The following PPARGC1A variants were observed in gnomAD, a reference collection of about 807,000 sequenced individuals.
The protein encoded by PPARGC1A is peroxisome proliferator-activated receptor gamma coactivator 1-alpha.
Under a neutral mutation model 88.7 loss-of-function variants are expected in PPARGC1A, and 25 were observed. The observed-to-expected ratio is 0.28, with a 90% CI of 0.21 to 0.39. PPARGC1A has a LOEUF of 0.39. PPARGC1A is among the 10% of genes least tolerant of loss of function. The pLI, the probability that PPARGC1A is intolerant of heterozygous loss-of-function variation, is 1.00. For missense variants in PPARGC1A, 880 were observed against 968.7 expected (o/e 0.91, Z 1.22); for synonymous variants, 363 against 355.6 (o/e 1.02, Z -0.24).
At chr4:24,237,294 C>A in the PPARGC1A span, among the ~76,000 whole-genome samples, 1 of 151,374 alleles carries the variant, frequency 6.6e-6, no homozygotes, top group East Asian at 1.9e-4. Context: ...TGTCTACTTT[C>A]CATAAGAGTT....
At chr4:24,449,480 TTTG>T in the PPARGC1A span, among the ~76,000 whole-genome samples, 1 of 152,300 alleles carries the variant, frequency 6.6e-6, no homozygotes, top group South Asian at 2.1e-4. Flanking sequence ...TGCATTCAAT[TTTG>T]TTGTTTTATT....
At chr4:24,110,625 C>A in the PPARGC1A span, among the ~76,000 whole-genome samples, 2 of 152,050 alleles carry the variant, frequency 1.3e-5, no homozygotes, top group African/African-American at 2.4e-5. Context: ...GAACTTGGTA[C>A]AATAATGGCC....
At chr4:24,235,188 G>C in the PPARGC1A span, among the ~76,000 whole-genome samples, 1 of 152,160 alleles carries the variant, frequency 6.6e-6, no homozygotes, top group Non-Finnish European at 1.5e-5. Context: ...ATCCTAGGGG[G>C]GTGGTGACTT....
At chr4:24,289,046 C>G in the PPARGC1A span, among the ~76,000 whole-genome samples, 1 of 151,926 alleles carries the variant, frequency 6.6e-6, no homozygotes, top group Non-Finnish European at 1.5e-5. Context: ...ATGGTGAAAC[C>G]CCATCTCTAC....
At chr4:24,231,462 C>A in the PPARGC1A span, among the ~76,000 whole-genome samples, 1 of 152,188 alleles carries the variant, frequency 6.6e-6, no homozygotes, top group Non-Finnish European at 1.5e-5. Context: ...GTCTCCAGTA[C>A]AGAAGATTTG....
the PPARGC1A span, among the ~76,000 whole-genome samples, chr4:24,259,500 T>A: frequency 6.6e-6 from 1 of 152,196 alleles, no homozygotes; most frequent in Non-Finnish European, 1.5e-5. Context: ...ACCAACCACA[T>A]ATATGAGGTG....
chr4:24,168,141 AC>A, the PPARGC1A span, among the ~76,000 whole-genome samples: 2 of 152,228 alleles, frequency 1.3e-5, no homozygotes, highest in Non-Finnish European at 2.9e-5. Flanking sequence ...TATAAAAATA[AC>A]TTTTATATGC....
intron 2 of PPARGC1A, among the ~76,000 whole-genome samples, chr4:23,868,532 T>C (rs1712559570): frequency 6.6e-6 from 1 of 152,144 alleles, no homozygotes; most frequent in South Asian, 2.1e-4. Flanking sequence ...TGCTAGGGAC[T>C]GAGGAGGTGA....
chr4:23,910,283 A>G, the PPARGC1A span, among the ~76,000 whole-genome samples: 3 of 84,504 alleles, frequency 3.6e-5, no homozygotes, highest in African/African-American at 8.7e-5. Flanking sequence ...TTAACCCTAT[A>G]TATTATTATA....
chr4:24,442,369 T>G, the PPARGC1A span, among the ~76,000 whole-genome samples: 1 of 152,196 alleles, frequency 6.6e-6, no homozygotes, highest in African/African-American at 2.4e-5. Flanking sequence ...AAAAAAATCT[T>G]CATTTAAAGA....
At chr4:24,167,706 C>G in the PPARGC1A span, among the ~76,000 whole-genome samples, 1 of 152,098 alleles carries the variant, frequency 6.6e-6, no homozygotes. Context: ...GCTGAAGGCT[C>G]AGATGATGAT....
chr4:24,087,336 G>A, the PPARGC1A span, among the ~76,000 whole-genome samples: 833 of 152,162 alleles, frequency 5.5e-3, 9 homozygotes, highest in African/African-American at 0.019. Flanking sequence ...GGCTTATTGC[G>A]CACCAGGCTC....
At chr4:23,898,136 T>C (rs1718832886) in intron 1 of PPARGC1A, among the ~76,000 whole-genome samples, 1 of 152,240 alleles carries the variant, frequency 6.6e-6, no homozygotes, top group Non-Finnish European at 1.5e-5. Flanking sequence ...AAGCTCATTA[T>C]ATTTGGTAAA....
the PPARGC1A span, among the ~76,000 whole-genome samples, chr4:24,188,020 T>C: frequency 5.3e-5 from 8 of 152,218 alleles, no homozygotes; most frequent in East Asian, 1.5e-3. Context: ...GAACAGCATA[T>C]ATCCAAAAGC....
At chr4:23,979,048 G>T in the PPARGC1A span, among the ~76,000 whole-genome samples, 3 of 151,932 alleles carry the variant, frequency 2.0e-5, no homozygotes, top group Admixed American at 6.6e-5. Context: ...AATATGAGCT[G>T]CACGTTTTAC....
chr4:24,311,266 A>AC, the PPARGC1A span, among the ~76,000 whole-genome samples: 2 of 147,548 alleles, frequency 1.4e-5, no homozygotes. Context: ...CGCCCGGCTA[A>AC]TTTTTTTTGT....
At chr4:24,134,720 T>C in the PPARGC1A span, among the ~76,000 whole-genome samples, 5 of 152,242 alleles carry the variant, frequency 3.3e-5, no homozygotes, top group Non-Finnish European at 7.3e-5. Flanking sequence ...GCAATGAATA[T>C]AATTTTGAGT....
chr4:24,058,812 G>A, the PPARGC1A span, among the ~76,000 whole-genome samples: 2 of 152,128 alleles, frequency 1.3e-5, no homozygotes, highest in Admixed American at 6.5e-5. Context: ...GGGCGTGGTG[G>A]TGCACACCTG....
the PPARGC1A span, among the ~76,000 whole-genome samples, chr4:24,000,951 CCTTTT>C: frequency 2.0e-5 from 3 of 152,128 alleles, no homozygotes; most frequent in East Asian, 5.8e-4. Flanking sequence ...ACTTATCTTT[CCTTTT>C]CTTTTCCAAT....
Sources: gnomAD v4.1 joint callset for allele counts (sites outside exome capture counted in the v4.1 genomes callset) on GRCh38, gnomAD v4.1.1 for gene constraint, MANE v1.5 for transcripts, NCBI Gene and HGNC (gene_info 2026-07-23, HGNC 2026-07-21) for gene names.